The following MIA3 variants were observed in gnomAD, a reference collection of about 807,000 sequenced individuals.
MIA3 encodes the protein transport and Golgi organization protein 1 homolog.
A neutral mutation model predicts 192.4 loss-of-function variants in MIA3; 90 were observed. The observed-to-expected ratio is 0.47, with a 90% CI of 0.39 to 0.56. The LOEUF (loss-of-function observed/expected upper bound fraction) is 0.56. MIA3 is among the 20% of genes least tolerant of loss of function. The pLI is 0.00. For synonymous variants in MIA3, 740 were observed against 792.8 expected (o/e 0.93, Z 1.12); for missense variants, 2,123 against 2,269.4 (o/e 0.94, Z 1.31).
At position 222,628,713 on chromosome 1, in the gene MIA3, C is replaced by G. The variant is rs765086208; in HGVS notation, c.1493C>G (p.Ser498Cys). Reference protein sequence around the residue: ...ENQEGMTVHSSVHSNNLNSMP... With the variant: ...ENQEGMTVHSCVHSNNLNSMP... ...CAAGAAGGCATGACTGTGCACAGTTCTGTTCACAGCAATAACCTCAACTCT... is the reference window on the plus strand; with the variant it reads ...CAAGAAGGCATGACTGTGCACAGTTGTGTTCACAGCAATAACCTCAACTCT... Residue 498 changes from serine to cysteine, a missense_variant, in exon 4 of 28, where the codon TCT (serine) becomes TGT (cysteine). Around this residue, in one of 3 missense-constraint regions of MIA3, gnomAD observed 1,357 missense variants for 1,396.1 expected, o/e 0.97. Transcript: ENST00000344922. The G allele has an allele frequency of 5.0e-6, 8 of 1,613,960 alleles. No individual in the cohort carries two copies. The highest frequency in any genetic ancestry group is 6.8e-6 in the Non-Finnish European group (8 of 1,180,036).
At chr1:222,626,919 T>C (rs577048906) in intron 3 of MIA3, among the ~76,000 whole-genome samples, 6 of 152,290 alleles carry the variant, frequency 3.9e-5, no homozygotes, top group Admixed American at 3.9e-4. Context: ...GAGGGCACAA[T>C]GTAGAGAAGC....
intron 3 of MIA3, among the ~76,000 whole-genome samples, chr1:222,625,643 T>G (rs543355285): frequency 6.6e-6 from 1 of 152,330 alleles, no homozygotes; most frequent in East Asian, 1.9e-4. Context: ...CTCATATCTG[T>G]AAGGCGCTAA....
intron 18 of MIA3, among the ~76,000 whole-genome samples, chr1:222,658,195 G>A (rs1663833332): frequency 6.6e-6 from 1 of 152,154 alleles, no homozygotes; most frequent in Non-Finnish European, 1.5e-5. Context: ...AATAGGTAGG[G>A]GAGCTCCATA....
Position 222,629,564 on chromosome 1 carries a change from A to G in MIA3, c.2344A>G (p.Thr782Ala), listed in dbSNP as rs770005766. 6.2e-7 allele frequency: 1 copy of G among 1,614,044 alleles called. No homozygotes were observed. Among genetic ancestry groups the G allele is most frequent in the African/African-American group, 1.3e-5 (1 of 75,038 alleles). Residue 782 changes from threonine (T) to alanine (A), a missense_variant, in exon 4 of 28, where the codon ACT becomes GCT. Thr to Ala is a moderately conservative substitution (Grantham distance 58). Around this residue, in one of 3 missense-constraint regions of MIA3, gnomAD observed 1,357 missense variants for 1,396.1 expected, o/e 0.97. Coordinates refer to ENST00000344922, the MANE Select transcript of MIA3 (RefSeq NM_198551.4). ...DPEIEESKQE[T>A]SMILDSEKTS... is the part of the protein sequence containing the mutation. Reference sequence around the variant, plus strand: ...AGAAATTGAAGAAAGCAAGCAAGAAACTAGTATGATTTTGGATAGCGAAAA... The same window carrying G: ...AGAAATTGAAGAAAGCAAGCAAGAAGCTAGTATGATTTTGGATAGCGAAAA...
rs147833076 is a variant in MIA3, at chr1:222,667,371, A to G, written c.*1752A>G. ...ATACAACTTTTGAATTTACCTGTCA[A>G]TATCTCTTTAGGACACAAAACAATG... On this transcript the variant is annotated 3_prime_UTR_variant, in exon 28 of 28. Transcript: ENST00000344922. 124 of 152,342 alleles carry G rather than the reference A, an allele frequency of 8.1e-4. 1 individual carries two copies. The highest frequency in any genetic ancestry group is 2.9e-3 in the African/African-American group (122 of 41,568). 9.4% of individuals were successfully genotyped at this position (152,342 alleles called of 1,614,324 possible).
Position 222,633,106 on chromosome 1 carries a change from C to T in MIA3, c.3334C>T (p.Pro1112Ser). 1 of 1,582,312 alleles carries T rather than the reference C, an allele frequency of 6.3e-7. No individual in the cohort carries two copies. The highest frequency in any genetic ancestry group is 8.6e-7 in the Non-Finnish European group (1 of 1,169,408). ...PNTEKDLDPG[P>S]VTTEDTPMDA... The stretch of plus-strand genomic sequence containing the variant: ...TCTATCTTTCCTCCCAATTCCAGGG[C>T]CAGTTACAACAGAAGACACTCCTAT... Residue 1112 changes from proline (P) to serine (S), a missense_variant and splice_region_variant, in exon 6 of 28, where the codon CCA (proline) becomes TCA (serine). By Grantham distance (74) the Pro-to-Ser change is moderately conservative. Around this residue, in one of 3 missense-constraint regions of MIA3, gnomAD observed 1,357 missense variants for 1,396.1 expected, o/e 0.97. Coordinates refer to ENST00000344922, the MANE Select transcript of MIA3 (RefSeq NM_198551.4).
rs961934052 is a variant in MIA3 at position 222,666,623 on chromosome 1, T to C, written c.*1004T>C. On this transcript the variant is annotated 3_prime_UTR_variant, in exon 28 of 28. Transcript: ENST00000344922. ...AAGAGTATAATGCCATGAGAAAGAA[T>C]GATTTAGGACTGTGAGGGTTATAAC... is the stretch of plus-strand genomic sequence containing the variant. 2.7e-5 allele frequency: 4 copies of C among 150,502 alleles called. No homozygotes were observed. Among genetic ancestry groups the C allele is most frequent in the African/African-American group, 9.9e-5 (4 of 40,436 alleles). The allele number at this position is 150,502 out of a possible 1,614,324, so 9.3% of individuals were successfully genotyped here.
chr1:222,633,322 G>T, intron 6 of MIA3, 73 bp downstream of exon 6: 1 of 1,277,048 alleles, frequency 7.8e-7, no homozygotes, highest in Non-Finnish European at 1.1e-6. Flanking sequence ...TGAGCATGAG[G>T]TGAAGAACTT....
intron 9 of MIA3, 116 bp from the exon 10 acceptor site, chr1:222,650,518 A>G: frequency 2.3e-6 from 2 of 869,756 alleles, no homozygotes; most frequent in Non-Finnish European, 3.7e-6. Context: ...TCCAGATCTT[A>G]AGCAGTCATA....
Position 222,628,162 on chromosome 1 carries a change from TGGAAA to T in MIA3, c.947_951del (p.Lys316ArgfsTer2). The T allele has an allele frequency of 6.2e-7, 1 of 1,613,952 alleles. No individual in the cohort carries two copies. On this transcript the variant is annotated frameshift_variant, in exon 4 of 28. Transcript: ENST00000344922. LOFTEE classifies it high-confidence loss of function. ...AATTGGATACTGAGTATTATGCAGT[TGGAAA>T]GGAAGATGAGGAGAACCAAGAAGAC... is the stretch of plus-strand genomic sequence containing the variant.
At position 222,660,169 on chromosome 1, in the gene MIA3, A is replaced by G. The variant is rs773389556; in HGVS notation, c.4976-8A>G. On this transcript the variant is annotated splice_polypyrimidine_tract_variant and splice_region_variant and intron_variant, in intron 23 of 27. Transcript: ENST00000344922. ...CTTAAAATGCTAACAAGATGCTGTCATCTTTAGGTCCTCTGAGCCAGAATG... is the reference window on the plus strand; with the variant it reads ...CTTAAAATGCTAACAAGATGCTGTCGTCTTTAGGTCCTCTGAGCCAGAATG... 6.2e-7 allele frequency: 1 copy of G among 1,608,310 alleles called. No individual in the cohort carries two copies. Among genetic ancestry groups the G allele is most frequent in the Non-Finnish European group, 8.5e-7 (1 of 1,178,396 alleles).
intron 9 of MIA3, 126 bp downstream of exon 9, chr1:222,650,506 C>G: frequency 2.4e-6 from 2 of 845,560 alleles, no homozygotes; most frequent in Non-Finnish European, 3.8e-6. Flanking sequence ...TCCTATAAAC[C>G]ATCCAGATCT....
chr1:222,631,110 T>G (rs1662379166), intron 4 of MIA3, among the ~76,000 whole-genome samples: 1 of 150,298 alleles, frequency 6.7e-6, no homozygotes, highest in Non-Finnish European at 1.5e-5. Context: ...TCCTTCCTCT[T>G]TCTTTTTTTC....
At chr1:222,637,545 A>G (rs1203270677) in intron 6 of MIA3, among the ~76,000 whole-genome samples, 3 of 152,204 alleles carry the variant, frequency 2.0e-5, no homozygotes, top group Non-Finnish European at 2.9e-5. Context: ...ACAGTTTTCA[A>G]AATAACGAGT....
chr1:222,628,331 G>A lies in MIA3; in HGVS notation c.1111G>A (p.Gly371Ser). ...CAAGGTTCAGCTAACTGTGCCCCCT[G>A]GCATCAAAAATGATGATAAAAATAT... ...EDKVQLTVPP[G>S]IKNDDKNILT... Residue 371 changes from glycine to serine, a missense_variant, in exon 4 of 28, where the codon GGC becomes AGC. By Grantham distance (56) the Gly-to-Ser change is moderately conservative. This residue lies in a region of MIA3 where 1,357 missense variants were observed against 1,396.1 expected (regional missense o/e 0.97). Transcript: ENST00000344922. The A allele has an allele frequency of 6.2e-7, 1 of 1,613,496 alleles. No homozygotes were observed. Among genetic ancestry groups the A allele is most frequent in the Non-Finnish European group, 8.5e-7 (1 of 1,179,880 alleles).
In MIA3 at chr1:222,651,838, A is replaced by C. The variant is rs535495618; in HGVS notation, c.3910-139A>C. Reference sequence around the variant, plus strand: ...GTTCTTGATTTTTCCCGAGGGCAAAACTGAAACACCTGCTTTTACCTGAAA... The same window carrying C: ...GTTCTTGATTTTTCCCGAGGGCAAACCTGAAACACCTGCTTTTACCTGAAA... On this transcript the variant is annotated intron_variant, in intron 11 of 27. Coordinates refer to ENST00000344922, the MANE Select transcript of MIA3 (RefSeq NM_198551.4). 1.4e-5 allele frequency: 9 copies of C among 665,696 alleles called. No homozygotes were observed. In the East Asian group the frequency reaches 2.5e-4, roughly 18 times the overall value. 41.2% of individuals were successfully genotyped at this position (665,696 alleles called of 1,614,324 possible).
rs940393257 is a variant in MIA3 at position 222,652,895 on chromosome 1, G to A, written c.4087-113G>A. On this transcript the variant is annotated intron_variant, in intron 13 of 27. Coordinates refer to ENST00000344922, the MANE Select transcript of MIA3 (RefSeq NM_198551.4). Reference sequence around the variant, plus strand: ...CACTTAACCAAGGTCTTAGCCCATAGTGATAGGCCAAGGAGAGGCATGGTT... The same window carrying A: ...CACTTAACCAAGGTCTTAGCCCATAATGATAGGCCAAGGAGAGGCATGGTT... The A allele has an allele frequency of 4.6e-5, 56 of 1,227,954 alleles. No homozygotes were observed. In the Admixed American group the frequency reaches 1.3e-3, roughly 28 times the overall value. The allele number at this position is 1,227,954 out of a possible 1,614,324, so 76.1% of individuals were successfully genotyped here.
At position 222,665,459 on chromosome 1, in the gene MIA3, T is replaced by C. The variant is rs767292341; in HGVS notation, c.5564T>C (p.Ile1855Thr). The C allele has an allele frequency of 4.0e-5, 64 of 1,613,890 alleles. No individual in the cohort carries two copies. Among genetic ancestry groups the C allele is most frequent in the Non-Finnish European group, 4.9e-5 (58 of 1,179,992 alleles). The change falls in exon 28 of 28, where the codon ATT becomes ACT. Residue 1855 changes from isoleucine (I) to threonine (T), a missense_variant. Coordinates refer to ENST00000344922, the MANE Select transcript of MIA3 (RefSeq NM_198551.4). ...LGSLGPREYFIPGTRLPPPTH... is the reference protein window; with the variant it reads ...LGSLGPREYFTPGTRLPPPTH... ...TCACTTGGCCCAAGAGAGTACTTTA[T>C]TCCTGGTACCCGATTACCACCCCCA...
intron 7 of MIA3, 198 bp downstream of exon 7, chr1:222,645,883 G>T: frequency 4.5e-6 from 2 of 443,592 alleles, no homozygotes; most frequent in Non-Finnish European, 3.9e-6. Flanking sequence ...ATCTCAGTGG[G>T]AAAACTTCAG....
Sources: gnomAD v4.1 joint callset for allele counts (sites outside exome capture counted in the v4.1 genomes callset) on GRCh38, gnomAD v4.1.1 for gene constraint, gnomAD v4.1.1 regional missense constraint, MANE v1.5 for transcripts, NCBI Gene and HGNC (gene_info 2026-07-23, HGNC 2026-07-21) for gene names.